The following ZFHX3 variants were observed in gnomAD, a reference collection of about 807,000 sequenced individuals.
The protein encoded by ZFHX3 is zinc finger homeobox 3.
ZFHX3 carries 42 observed loss-of-function variants against 279.1 expected under a neutral mutation model. The ratio of observed to expected loss-of-function variants is 0.15; its 90% CI spans 0.12 to 0.19. ZFHX3 has a LOEUF of 0.19. ZFHX3 is among the 10% of genes least tolerant of loss of function. The pLI is 1.00. For missense variants in ZFHX3, 4,981 were observed against 4,754.0 expected, an observed-to-expected ratio of 1.05 and a Z score of -1.40; for synonymous variants, 2,293 against 1,957.8, an observed-to-expected ratio of 1.17 and a Z score of -4.52.
At chr16:73,615,306 A>G (rs546002543) in intron 2 of ZFHX3, among the ~76,000 whole-genome samples, 7 of 152,270 alleles carry the variant, frequency 4.6e-5, no homozygotes, top group African/African-American at 1.7e-4. Context: ...GACGGATGTG[A>G]CAGGGCTTGG....
At chr16:72,881,480 A>G (rs1187474374) in intron 4 of ZFHX3, among the ~76,000 whole-genome samples, 1 of 152,178 alleles carries the variant, frequency 6.6e-6, no homozygotes, top group African/African-American at 2.4e-5. Context: ...CCTTTGAGCT[A>G]TTTCTGTACG....
chr16:72,819,845 A>G (rs560913091), intron 5 of ZFHX3, among the ~76,000 whole-genome samples: 15 of 152,202 alleles, frequency 9.9e-5, no homozygotes, highest in Non-Finnish European at 1.9e-4. Flanking sequence ...AATAAGCTCC[A>G]TGTGTTCTGT....
chr16:73,654,105 A>C (rs1567543438), intron 2 of ZFHX3, among the ~76,000 whole-genome samples: 1 of 150,756 alleles, frequency 6.6e-6, no homozygotes, highest in Non-Finnish European at 1.5e-5. Flanking sequence ...AATGGCATGA[A>C]CCTGGGAGGC....
chr16:73,818,551 G>A (rs947632290), intron 1 of ZFHX3, among the ~76,000 whole-genome samples: 1 of 152,182 alleles, frequency 6.6e-6, no homozygotes, highest in African/African-American at 2.4e-5. Flanking sequence ...CAGACCCCTG[G>A]CCACTCTGCT....
At chr16:73,085,140 A>G (rs961996614) in intron 8 of ZFHX3, among the ~76,000 whole-genome samples, 1 of 152,228 alleles carries the variant, frequency 6.6e-6, no homozygotes, top group African/African-American at 2.4e-5. Context: ...TTCAAAATAT[A>G]CTACAAAGCC....
intron 3 of ZFHX3, among the ~76,000 whole-genome samples, chr16:73,363,867 T>C (rs994885786): frequency 5.9e-5 from 9 of 152,138 alleles, no homozygotes; most frequent in African/African-American, 1.9e-4. Context: ...ATTAATTTCA[T>C]GTTAGAACTG....
At chr16:72,811,353 GATGAT>G (rs1483722335) in intron 7 of ZFHX3, among the ~76,000 whole-genome samples, 1 of 152,200 alleles carries the variant, frequency 6.6e-6, no homozygotes, top group Non-Finnish European at 1.5e-5. Context: ...GGGCAGAGAG[GATGAT>G]AAGGGAGGTT....
intron 3 of ZFHX3, among the ~76,000 whole-genome samples, chr16:73,402,795 A>G (rs1303091042): frequency 2.0e-5 from 3 of 152,148 alleles, no homozygotes; most frequent in Non-Finnish European, 4.4e-5. Context: ...TAATGTCAAT[A>G]TGAGTTACAC....
chr16:73,518,699 A>G (rs1383659125), intron 2 of ZFHX3, among the ~76,000 whole-genome samples: 6 of 152,246 alleles, frequency 3.9e-5, no homozygotes, highest in Non-Finnish European at 5.9e-5. Context: ...TTGCCGAAAG[A>G]AAAAAAAGAA....
In ZFHX3 at chr16:73,870,645, G is replaced by C. The variant is rs553511485; in HGVS notation, c.-1608+21006C>G. Among the ~76,000 whole-genome samples the C allele has an allele frequency of 2.0e-5, 3 of 152,296 alleles. No individual in the cohort carries two copies. The South Asian group carries it at 6.2e-4, about 32-fold the overall frequency. On this transcript the variant is annotated intron_variant, in intron 1 of 17. Transcript: ENST00000641206. The stretch of plus-strand genomic sequence containing the variant: ...CCTCTTCCTTCTCTGTGCTCAAAAA[G>C]TCACTCAGAGGAAAGTGCATTCTGA...
At chr16:73,378,575 G>A (rs1244273663) in intron 3 of ZFHX3, among the ~76,000 whole-genome samples, 1 of 152,160 alleles carries the variant, frequency 6.6e-6, no homozygotes, top group Non-Finnish European at 1.5e-5. Flanking sequence ...ATAAATTTAA[G>A]ATAAAAGACA....
intron 3 of ZFHX3, among the ~76,000 whole-genome samples, chr16:73,355,858 A>G (rs2016331825): frequency 1.3e-5 from 2 of 152,130 alleles, no homozygotes; most frequent in Admixed American, 1.3e-4. Flanking sequence ...GCATAGTAGG[A>G]GCATTTGTTG....
chr16:72,907,070 G>C (rs909944411), intron 3 of ZFHX3, among the ~76,000 whole-genome samples: 5 of 152,148 alleles, frequency 3.3e-5, no homozygotes, highest in Non-Finnish European at 5.9e-5. Context: ...CACACCAGTG[G>C]GCAAGTGATG....
At chr16:73,848,874 A>G (rs1961519696) in intron 1 of ZFHX3, among the ~76,000 whole-genome samples, 1 of 152,212 alleles carries the variant, frequency 6.6e-6, no homozygotes, top group African/African-American at 2.4e-5. Flanking sequence ...ACTTTCTGTC[A>G]TATGTATTTT....
chr16:73,645,760 T>A (rs949604375), intron 2 of ZFHX3, among the ~76,000 whole-genome samples: 1 of 152,246 alleles, frequency 6.6e-6, no homozygotes, highest in African/African-American at 2.4e-5. Context: ...TTTGGTTTAA[T>A]TTCCTGGCTT....
At chr16:73,630,950 G>A (rs553376029) in intron 2 of ZFHX3, among the ~76,000 whole-genome samples, 23 of 152,310 alleles carry the variant, frequency 1.5e-4, no homozygotes, top group African/African-American at 5.3e-4. Context: ...TTTTAACTCG[G>A]TAATAAGAGC....
At chr16:73,007,584 C>A (rs1180419720) in intron 1 of ZFHX3, among the ~76,000 whole-genome samples, 1 of 152,032 alleles carries the variant, frequency 6.6e-6, no homozygotes, top group Non-Finnish European at 1.5e-5. Context: ...GTAACTGGGA[C>A]TACGGGTGCC....
chr16:73,728,639 G>C (rs562223109), intron 1 of ZFHX3, among the ~76,000 whole-genome samples: 3 of 152,062 alleles, frequency 2.0e-5, no homozygotes, highest in Non-Finnish European at 4.4e-5. Context: ...CATTCAGTTA[G>C]AGCTAAAACA....
intron 2 of ZFHX3, among the ~76,000 whole-genome samples, chr16:73,601,607 A>G (rs769021042): frequency 1.3e-5 from 2 of 152,192 alleles, no homozygotes; most frequent in Non-Finnish European, 2.9e-5. Context: ...TAGTAATCCA[A>G]CAGAATGGGC....
Sources: allele counts gnomAD v4.1 joint callset (sites outside exome capture counted in the v4.1 genomes callset), GRCh38; gene constraint gnomAD v4.1.1; transcripts MANE v1.5; gene names NCBI Gene and HGNC (gene_info 2026-07-23, HGNC 2026-07-21).